The following ZPR1 variants were observed in gnomAD, a reference collection of about 807,000 sequenced individuals.
ZPR1 encodes the protein zinc finger protein ZPR1.
ZPR1 carries 37 observed loss-of-function variants against 59.6 expected under a neutral mutation model. That is an observed-to-expected ratio of 0.62 (90% CI 0.48 to 0.82). ZPR1 has a LOEUF of 0.82. Ranked by LOEUF, ZPR1 falls within the 40% of genes least tolerant of loss-of-function variation. The pLI, the probability that ZPR1 is intolerant of heterozygous loss-of-function variation, is 0.00. For synonymous variants in ZPR1, 191 were observed against 215.2 expected (o/e 0.89, Z 0.99); for missense variants, 527 against 579.9 (o/e 0.91, Z 0.94).
intron 6 of ZPR1, 136 bp downstream of exon 6, chr11:116,785,377 TA>T: frequency 7.4e-7 from 1 of 1,342,944 alleles, no homozygotes; most frequent in Non-Finnish European, 1.0e-6. Context: ...GTCCTGGACA[TA>T]AGCAAGATGA....
At position 116,777,923 on chromosome 11, in the gene ZPR1, A is replaced by G. The variant is rs1940745900; in HGVS notation, c.*1002T>C. The G allele has an allele frequency of 6.6e-6, 1 of 152,126 alleles. No individual in the cohort carries two copies. The highest frequency in any genetic ancestry group is 1.5e-5 in the Non-Finnish European group (1 of 68,028). The allele number at this position is 152,126 out of a possible 1,614,324, so 9.4% of individuals were successfully genotyped here. On this transcript the variant is annotated 3_prime_UTR_variant, in exon 14 of 14. Coordinates refer to ENST00000227322, the MANE Select transcript of ZPR1 (RefSeq NM_003904.5). ...TTTCTCTCTGGATGAATGTGTTTCAACATTTCTAACTGAGAGTAGGGCTAA... is the reference window on the plus strand; with the variant it reads ...TTTCTCTCTGGATGAATGTGTTTCAGCATTTCTAACTGAGAGTAGGGCTAA...
In ZPR1 at chr11:116,778,243, A is replaced by T. The variant is rs1424620525; in HGVS notation, c.*682T>A. On this transcript the variant is annotated 3_prime_UTR_variant, in exon 14 of 14. Coordinates refer to ENST00000227322, the MANE Select transcript of ZPR1 (RefSeq NM_003904.5). The stretch of plus-strand genomic sequence containing the variant: ...TTTTCCCCACTAGACTTCAAGTTCC[A>T]TGAAAGAGATTTATTTTGTCCTCTG... The T allele has an allele frequency of 1.3e-5, 2 of 152,232 alleles. No homozygotes were observed. The highest frequency in any genetic ancestry group is 2.9e-5 in the Non-Finnish European group (2 of 68,070). 9.4% of individuals were successfully genotyped at this position (152,232 alleles called of 1,614,324 possible).
rs1182178141 is a variant in ZPR1 at position 116,778,987 on chromosome 11, C to T, written c.1318G>A (p.Glu440Lys). 3 of 1,614,216 alleles carry T rather than the reference C, an allele frequency of 1.9e-6. No homozygotes were observed. The highest frequency in any genetic ancestry group is 1.7e-6 in the Non-Finnish European group (2 of 1,180,034). Residue 440 changes from glutamate (E) to lysine (K), a missense_variant, in exon 14 of 14, where the codon GAG becomes AAG. Physicochemically the swap from Glu to Lys is moderately conservative, Grantham distance 56 (BLOSUM62 1). Transcript: ENST00000227322. ...RYKRTFDQNE[E>K]LGLNDMKTEG... ...GTCTTCATGTCATTGAGCCCTAGCT[C>T]CTCATTTTGGTCAAAGGTGCGCTTG...
rs1940832495 is a variant in ZPR1, at chr11:116,783,043, G to C, written c.982-14C>G. The C allele has an allele frequency of 1.9e-6, 3 of 1,605,580 alleles. No homozygotes were observed. In the Admixed American group the frequency reaches 5.0e-5, roughly 27 times the overall value. On this transcript the variant is annotated splice_polypyrimidine_tract_variant and intron_variant, in intron 10 of 13. Transcript: ENST00000227322. ...GCAAGTCTCAGACTGTGAAATGAGA[G>C]GTCAGTTTAAGCTTTAAGTCAGAAG...
In ZPR1 at chr11:116,783,029, A is replaced by G; in HGVS notation, c.982T>C (p.Ser328Pro). 1 of 1,612,946 alleles carries G rather than the reference A, an allele frequency of 6.2e-7. No individual in the cohort carries two copies. Among genetic ancestry groups the G allele is most frequent in the Non-Finnish European group, 8.5e-7 (1 of 1,178,892 alleles). The change falls in exon 11 of 14, where the codon TCT becomes CCT. Residue 328 changes from serine to proline, a missense_variant and splice_region_variant. By Grantham distance (74) the Ser-to-Pro change is moderately conservative. Transcript: ENST00000227322. ...GGGATTTCCACACTGCAAGTCTCAGACTGTGAAATGAGAGGTCAGTTTAAG... is the reference window on the plus strand; with the variant it reads ...GGGATTTCCACACTGCAAGTCTCAGGCTGTGAAATGAGAGGTCAGTTTAAG... Reference protein sequence around the residue: ...ASDMTRDLLKSETCSVEIPEL... With the variant: ...ASDMTRDLLKPETCSVEIPEL...
intron 11 of ZPR1, 61 bp from the exon 12 acceptor site, chr11:116,782,305 A>G (rs1940819957): frequency 2.0e-6 from 3 of 1,477,724 alleles, no homozygotes; most frequent in Non-Finnish European, 2.8e-6. Context: ...AGGCCTGACC[A>G]TAAACTAGGC....
At chr11:116,785,469 C>G in intron 6 of ZPR1, 45 bp downstream of exon 6, 1 of 1,604,990 alleles carries the variant, frequency 6.2e-7, no homozygotes, top group Non-Finnish European at 8.5e-7. Flanking sequence ...ATCCAGAGTG[C>G]GCGATAATTC....
At chr11:116,783,758 G>A in intron 9 of ZPR1, 139 bp from the exon 10 acceptor site, 1 of 647,470 alleles carries the variant, frequency 1.5e-6, no homozygotes, top group Non-Finnish European at 2.6e-6. Context: ...CTAAACAGCA[G>A]TCGCCCAAAC....
intron 7 of ZPR1, 52 bp downstream of exon 7, chr11:116,785,047 A>G (rs1330866229): frequency 8.1e-6 from 13 of 1,601,626 alleles, no homozygotes; most frequent in Non-Finnish European, 1.1e-5. Context: ...GAACAGCATC[A>G]GTCTCAGCCC....
chr11:116,782,923 T>A lies in ZPR1; in HGVS notation c.1088A>T (p.Glu363Val). The A allele has an allele frequency of 6.2e-7, 1 of 1,613,998 alleles. No individual in the cohort carries two copies. The highest frequency in any genetic ancestry group is 8.5e-7 in the Non-Finnish European group (1 of 1,179,822). Reference sequence around the variant, plus strand: ...CACACTACTCAAGTGACTCACCAGTTCCCGGATGTCTTTCAGCAGCCCTTC... The same window carrying A: ...CACACTACTCAAGTGACTCACCAGTACCCGGATGTCTTTCAGCAGCCCTTC... ...TLEGLLKDIR[E>V]LVTKNPFTLG... The change falls in exon 11 of 14, where the codon GAA (glutamate) becomes GTA (valine). Residue 363 changes from glutamate (E) to valine (V), a missense_variant. By Grantham distance (121) the Glu-to-Val change is moderately radical. Coordinates refer to ENST00000227322, the MANE Select transcript of ZPR1 (RefSeq NM_003904.5).
chr11:116,779,688 C>A (rs1940774963), intron 13 of ZPR1, 84 bp downstream of exon 13: 3 of 1,027,906 alleles, frequency 2.9e-6, no homozygotes, highest in Non-Finnish European at 4.4e-6. Context: ...AGAATCAAGT[C>A]TTTCAGTTTC....
At position 116,775,047 on chromosome 11, in the gene ZPR1, G is replaced by C. The variant is rs1299288594; in HGVS notation, c.*3878C>G. 6.6e-6 allele frequency: 1 copy of C among 152,218 alleles called. No homozygotes were observed. The highest frequency in any genetic ancestry group is 2.4e-5 in the African/African-American group (1 of 41,446). The allele number at this position is 152,218 out of a possible 1,614,324, so 9.4% of individuals were successfully genotyped here. A position where few individuals can be genotyped will look rare whatever the true frequency, so the allele number is the denominator to read the frequency against. On this transcript the variant is annotated 3_prime_UTR_variant, in exon 14 of 14. Transcript: ENST00000227322. The stretch of plus-strand genomic sequence containing the variant: ...GTGCCAATGGCCTGCTCTGAGCTTT[G>C]GCCTCTCTCTGCAGTTGTATCTAAT...
At chr11:116,780,747 T>G (rs1942478) in intron 12 of ZPR1, among the ~76,000 whole-genome samples, 14,279 of 152,154 alleles carry the variant, frequency 0.094, 956 homozygotes, top group South Asian at 0.26. Context: ...ATAAGCCCCA[T>G]GTCAACAAGG....
At position 116,787,840 on chromosome 11, in the gene ZPR1, A is replaced by T; in HGVS notation, c.151T>A (p.Cys51Ser). ...CTCACATTGCAGTAACAGTTCATGC[A>T]TAGCGACTCGATCTCGGTGGGCTGC... ...EQQPTEIESLCMNCYCNGMTR... is the reference protein window; with the variant it reads ...EQQPTEIESLSMNCYCNGMTR... The change falls in exon 1 of 14, where the codon TGC becomes AGC. Residue 51 changes from cysteine to serine, a missense_variant. Coordinates refer to ENST00000227322, the MANE Select transcript of ZPR1 (RefSeq NM_003904.5). 6.4e-7 allele frequency: 1 copy of T among 1,558,450 alleles called. No individual in the cohort carries two copies. Among genetic ancestry groups the T allele is most frequent in the Non-Finnish European group, 8.7e-7 (1 of 1,152,780 alleles).
intron 6 of ZPR1, 140 bp from the exon 7 acceptor site, chr11:116,785,286 A>G: frequency 8.9e-7 from 1 of 1,126,276 alleles, no homozygotes; most frequent in Non-Finnish European, 1.3e-6. Context: ...AGAAACCACA[A>G]AGTAAAGCCC....
At chr11:116,784,783 T>C in intron 8 of ZPR1, 72 bp downstream of exon 8, 1 of 1,478,826 alleles carries the variant, frequency 6.8e-7, no homozygotes, top group South Asian at 1.1e-5. Flanking sequence ...TTGAAAGGGA[T>C]GCTCCCAGCC....
intron 12 of ZPR1, 127 bp downstream of exon 12, chr11:116,782,031 A>C (rs2134194871): frequency 1.4e-6 from 1 of 693,204 alleles, no homozygotes; most frequent in South Asian, 2.1e-5. Context: ...AAAAAAGAAA[A>C]GAAAACCAGA....
At chr11:116,779,146 G>A (rs1940766061) in intron 13 of ZPR1, 87 bp from the exon 14 acceptor site, 2 of 1,551,902 alleles carry the variant, frequency 1.3e-6, no homozygotes, top group Non-Finnish European at 1.7e-6. Context: ...CCCAAGAACA[G>A]AATGAGTTTT....
rs559441179 is a variant in ZPR1, at chr11:116,786,552, G to A, written c.454C>T (p.Arg152Cys). 28 of 1,614,198 alleles carry A rather than the reference G, an allele frequency of 1.7e-5. No homozygotes were observed. Among genetic ancestry groups the A allele is most frequent in the Middle Eastern group, 3.3e-4 (2 of 6,062 alleles). The change falls in exon 4 of 14, where the codon CGT becomes TGT. Residue 152 changes from arginine to cysteine, a missense_variant. Arg to Cys is a radical substitution (Grantham distance 180, BLOSUM62 -3). Transcript: ENST00000227322. Reference sequence around the variant, plus strand: ...TCCTGCTCCAGGCCAGAGATAGCACGGGTGATCAATCCTTCAACAGTGGTC... The same window carrying A: ...TCCTGCTCCAGGCCAGAGATAGCACAGGTGATCAATCCTTCAACAGTGGTC... ...ALTTVEGLIT[R>C]AISGLEQDQP... is the part of the protein sequence containing the mutation.
Sources: allele counts gnomAD v4.1 joint callset (sites outside exome capture counted in the v4.1 genomes callset), GRCh38; gene constraint gnomAD v4.1.1; transcripts MANE v1.5; gene names NCBI Gene and HGNC (gene_info 2026-07-23, HGNC 2026-07-21).